RBMS3: variants seen among roughly 807,000 people sequenced by gnomAD.
RBMS3 encodes the protein RNA-binding motif, single-stranded-interacting protein 3.
In RBMS3, 27 loss-of-function variants were observed where a neutral mutation model predicts 66.8. The observed-to-expected ratio is 0.40, with a 90% CI of 0.30 to 0.56. RBMS3 has a LOEUF of 0.56. RBMS3 is among the 20% of genes least tolerant of loss of function. RBMS3 has a pLI of 0.40. For missense variants in RBMS3, 513 were observed against 549.5 expected (o/e 0.93, Z 0.66); for synonymous variants, 188 against 183.0 (o/e 1.03, Z -0.22).
At chr3:29,455,839 G>A (rs1319285069) in intron 2 of RBMS3, among the ~76,000 whole-genome samples, 1 of 151,870 alleles carries the variant, frequency 6.6e-6, no homozygotes. Context: ...GAAAAACATG[G>A]CAGTAAATAG....
At position 29,562,881 on chromosome 3, in the gene RBMS3, G is replaced by T. The variant is rs554143769; in HGVS notation, c.308-24233G>T. On this transcript the variant is annotated intron_variant, in intron 3 of 14. Coordinates refer to ENST00000383767, the MANE Select transcript of RBMS3 (RefSeq NM_001003793.3). ...TAAAAATATAATTCCTACAGGGGAA[G>T]CCATTCTTGAAATATCAACATTTCT... is the stretch of plus-strand genomic sequence containing the variant. Among the ~76,000 whole-genome samples the T allele has an allele frequency of 2.6e-5, 4 of 152,242 alleles. No individual in the cohort carries two copies. In the South Asian group the frequency reaches 6.2e-4, roughly 24 times the overall value.
intron 3 of RBMS3, among the ~76,000 whole-genome samples, chr3:29,491,213 A>G (rs1229735941): frequency 1.3e-5 from 2 of 152,250 alleles, no homozygotes; most frequent in African/African-American, 4.8e-5. Context: ...AAATTATACT[A>G]TGGGTATCCT....
chr3:29,803,011 C>A (rs540345482), intron 6 of RBMS3, among the ~76,000 whole-genome samples: 1 of 152,168 alleles, frequency 6.6e-6, no homozygotes, highest in South Asian at 2.1e-4. Flanking sequence ...ATGGGACGAA[C>A]GGCTTTATCT....
intron 7 of RBMS3, among the ~76,000 whole-genome samples, chr3:29,875,517 T>C (rs919007862): frequency 6.6e-6 from 1 of 151,884 alleles, no homozygotes; most frequent in South Asian, 2.1e-4. Flanking sequence ...TAAAATGCTA[T>C]CAATTATCAT....
intron 5 of RBMS3, among the ~76,000 whole-genome samples, chr3:29,742,703 T>C (rs527723113): frequency 4.6e-5 from 7 of 152,334 alleles, no homozygotes; most frequent in African/African-American, 1.7e-4. Flanking sequence ...CTTCACCAAA[T>C]GGATTGTACA....
intron 3 of RBMS3, among the ~76,000 whole-genome samples, chr3:29,558,454 T>A (rs149899193): frequency 6.6e-6 from 1 of 152,174 alleles, no homozygotes; most frequent in East Asian, 1.9e-4. Context: ...AGAAAATAGA[T>A]TGAGATGCAT....
intron 3 of RBMS3, among the ~76,000 whole-genome samples, chr3:29,550,162 G>A (rs557692725): frequency 3.4e-4 from 51 of 152,224 alleles, no homozygotes; most frequent in South Asian, 8.3e-4. Context: ...TTAGGACAGC[G>A]TAGGCTTTGC....
chr3:29,709,841 A>G (rs1252107923), intron 4 of RBMS3, among the ~76,000 whole-genome samples: 1 of 152,240 alleles, frequency 6.6e-6, no homozygotes. Context: ...CTATAATTAT[A>G]TATAATCATA....
intron 6 of RBMS3, among the ~76,000 whole-genome samples, chr3:29,833,065 G>A (rs2058415966): frequency 6.6e-6 from 1 of 152,136 alleles, no homozygotes; most frequent in African/African-American, 2.4e-5. Flanking sequence ...ACAGCATACA[G>A]TCTTAAGAAT....
intron 6 of RBMS3, among the ~76,000 whole-genome samples, chr3:29,840,571 C>A (rs1350359342): frequency 6.6e-6 from 1 of 151,792 alleles, no homozygotes; most frequent in African/African-American, 2.4e-5. Context: ...AAAAGAAGAC[C>A]AATAACATCT....
At chr3:29,316,645 T>G (rs2034694995) in intron 1 of RBMS3, among the ~76,000 whole-genome samples, 1 of 151,506 alleles carries the variant, frequency 6.6e-6, no homozygotes, top group Admixed American at 6.6e-5. Flanking sequence ...TAAATTATAA[T>G]TAAATTATTA....
chr3:29,312,159 G>T (rs756993737), intron 1 of RBMS3, among the ~76,000 whole-genome samples: 7 of 151,752 alleles, frequency 4.6e-5, no homozygotes, highest in Non-Finnish European at 1.0e-4. Context: ...TAAACTTTGT[G>T]AACATATAGT....
At chr3:29,922,393 A>G (rs1255906836) in intron 10 of RBMS3, among the ~76,000 whole-genome samples, 3 of 150,746 alleles carry the variant, frequency 2.0e-5, no homozygotes, top group Non-Finnish European at 4.4e-5. Context: ...AGGCTGAGGC[A>G]GGAGAATGGC....
At chr3:29,304,323 A>G (rs2033873123) in intron 1 of RBMS3, among the ~76,000 whole-genome samples, 1 of 151,988 alleles carries the variant, frequency 6.6e-6, no homozygotes, top group South Asian at 2.1e-4. Flanking sequence ...TGGTAATTAT[A>G]TTTATGCTAT....
chr3:29,730,800 A>T (rs944875314), intron 4 of RBMS3: 26 of 905,256 alleles, frequency 2.9e-5, no homozygotes, highest in Middle Eastern at 5.6e-4. Flanking sequence ...AGTACAAAAC[A>T]ATATATATTT....
At chr3:29,930,140 C>A (rs2061079011) in intron 10 of RBMS3, among the ~76,000 whole-genome samples, 2 of 18,832 alleles carry the variant, frequency 1.1e-4, no homozygotes, top group Admixed American at 7.3e-4. Context: ...GAGATGGAGT[C>A]TCGCTCTGTC....
chr3:30,008,641 T>C lies in RBMS3; in HGVS notation c.*4779T>C, dbSNP rs1699872064. 1 of 152,090 alleles carries C rather than the reference T, an allele frequency of 6.6e-6. No homozygotes were observed. The highest frequency in any genetic ancestry group is 2.1e-4 in the South Asian group (1 of 4,832). The allele number at this position is 152,090 out of a possible 1,614,324, so 9.4% of individuals were successfully genotyped here. A position where few individuals can be genotyped will look rare whatever the true frequency, so the allele number is the denominator to read the frequency against. On this transcript the variant is annotated 3_prime_UTR_variant, in exon 15 of 15. Coordinates refer to ENST00000383767, the MANE Select transcript of RBMS3 (RefSeq NM_001003793.3). ...GACAGAATTTAAACAGGCTCATTGATTCTGTACACTCTACCCTTCCTGTGG... is the reference window on the plus strand; with the variant it reads ...GACAGAATTTAAACAGGCTCATTGACTCTGTACACTCTACCCTTCCTGTGG...
chr3:29,455,779 A>G (rs1559375602), intron 2 of RBMS3, among the ~76,000 whole-genome samples: 2 of 151,904 alleles, frequency 1.3e-5, no homozygotes, highest in Non-Finnish European at 2.9e-5. Context: ...GGACCATTTT[A>G]AACAGCAAAA....
In RBMS3 at chr3:29,384,435, T is replaced by TAAGAAGAAGAAG. The variant is rs71628521; in HGVS notation, c.76-50287_76-50276dup. ...TATACACCAATAATAATAATAATAA[T>TAAGAAGAAGAAG]AAGAAGAAGAAGAAGAAGAAGAAGA... On this transcript the variant is annotated intron_variant, in intron 1 of 14. Transcript: ENST00000383767. Among the ~76,000 whole-genome samples the TAAGAAGAAGAAG allele has an allele frequency of 5.4e-3, 758 of 141,086 alleles. 11 individuals carry two copies. The highest frequency in any genetic ancestry group is 0.011 in the African/African-American group (411 of 37,346). The allele number at this position is 141,086 out of a possible 152,430, so 92.6% of individuals were successfully genotyped here.
Sources: gnomAD v4.1 joint callset for allele counts (sites outside exome capture counted in the v4.1 genomes callset) on GRCh38, gnomAD v4.1.1 for gene constraint, MANE v1.5 for transcripts, NCBI Gene and HGNC (gene_info 2026-07-23, HGNC 2026-07-21) for gene names.